Variants in UGT2B11 observed in about 807,000 individuals in gnomAD.
UGT2B11 encodes the protein UDP glucuronosyltransferase family 2 member B11.
A neutral mutation model predicts 51.7 loss-of-function variants in UGT2B11; 49 were observed. That is an observed-to-expected ratio of 0.95 (90% CI 0.75 to 1.20). The LOEUF is 1.20. UGT2B11 is among the 50% of genes most tolerant of loss of function. UGT2B11 has a pLI of 0.00. For synonymous variants in UGT2B11, 273 were observed against 209.0 expected (o/e 1.31, Z -2.64); for missense variants, 810 against 622.1 (o/e 1.30, Z -3.21).
In UGT2B11 at chr4:69,200,605, G is replaced by A. The variant is rs754432500; in HGVS notation, c.1425C>T (p.His475=). The change falls in exon 6 of 6, where the codon CAC becomes CAT. Residue 475 remains histidine (H), a synonymous_variant. Coordinates refer to ENST00000446444, the MANE Select transcript of UGT2B11 (RefSeq NM_001073.3). ...TGAGGTCATGGGCTGCAACTCGAAG[G>A]TGTTTGGCTCCTTTGTGGGGCATGA... ...EFVMPHKGAK[H]LRVAAHDLTW... is the part of the protein sequence containing the mutation. 2.5e-6 allele frequency: 4 copies of A among 1,612,452 alleles called. No homozygotes were observed. The Admixed American group carries it at 5.0e-5, about 20-fold the overall frequency.
chr4:69,202,220 A>C (rs76905380), intron 5 of UGT2B11, among the ~76,000 whole-genome samples: 7,226 of 151,824 alleles, frequency 0.048, 209 homozygotes, highest in South Asian at 0.12. Flanking sequence ...GACACTGTTG[A>C]TAATTCTGTC....
At chr4:69,210,378 A>T (rs933774857) in intron 2 of UGT2B11, among the ~76,000 whole-genome samples, 10 of 151,698 alleles carry the variant, frequency 6.6e-5, no homozygotes, top group African/African-American at 2.4e-4. Flanking sequence ...CAGTTTGTCA[A>T]GTGTCTTATT....
At position 69,214,089 on chromosome 4, in the gene UGT2B11, T is replaced by C; in HGVS notation, c.634A>G (p.Lys212Glu). ...SDQMTFMERV[K>E]NMIYVLYFDF... ...AAATAAAGCACATAGATCATATTTT[T>C]TACCCTCTCCATGAAAGTCATTTGA... Residue 212 changes from lysine (K) to glutamate (E), a missense_variant, in exon 1 of 6, where the codon AAA becomes GAA. Transcript: ENST00000446444. The C allele has an allele frequency of 6.2e-7, 1 of 1,611,514 alleles. No individual in the cohort carries two copies. Among genetic ancestry groups the C allele is most frequent in the Non-Finnish European group, 8.5e-7 (1 of 1,178,752 alleles).
intron 3 of UGT2B11, among the ~76,000 whole-genome samples, chr4:69,207,992 A>G (rs1400515448): frequency 6.6e-6 from 1 of 151,636 alleles, no homozygotes; most frequent in African/African-American, 2.4e-5. Context: ...CACCATTTTC[A>G]CTTACCTGAA....
Position 69,200,305 on chromosome 4 carries a change from T to G in UGT2B11, c.*135A>C. The stretch of plus-strand genomic sequence containing the variant: ...ACAAATTTTTACTTGACAAGGTAGA[T>G]TTGAAAATTTTTTTTTTTTTTTTTT... On this transcript the variant is annotated 3_prime_UTR_variant, in exon 6 of 6. Coordinates refer to ENST00000446444, the MANE Select transcript of UGT2B11 (RefSeq NM_001073.3). 2 of 1,235,048 alleles carry G rather than the reference T, an allele frequency of 1.6e-6. No homozygotes were observed. The highest frequency in any genetic ancestry group is 1.7e-5 in the African/African-American group (1 of 59,362). 76.5% of individuals were successfully genotyped at this position (1,235,048 alleles called of 1,614,324 possible).
At chr4:69,217,114 C>T (rs1400994651), upstream of UGT2B11, among the ~76,000 whole-genome samples, 4 of 152,046 alleles carry the variant, frequency 2.6e-5, no homozygotes, top group African/African-American at 9.7e-5. Flanking sequence ...GTCTAAATTA[C>T]AATATTTTAT....
chr4:69,213,879 T>G (rs1722163392), intron 1 of UGT2B11, 123 bp downstream of exon 1: 1 of 1,334,686 alleles, frequency 7.5e-7, no homozygotes. Context: ...TCATCTTGTA[T>G]TTTCATTTCA....
intron 3 of UGT2B11, among the ~76,000 whole-genome samples, chr4:69,206,805 G>A (rs776515568): frequency 5.9e-5 from 9 of 151,590 alleles, no homozygotes; most frequent in Non-Finnish European, 8.9e-5. Flanking sequence ...TAATTGTAAT[G>A]TATTCGTTTA....
chr4:69,212,959 G>T (rs1418230858), intron 1 of UGT2B11, among the ~76,000 whole-genome samples: 1 of 151,246 alleles, frequency 6.6e-6, no homozygotes, highest in Non-Finnish European at 1.5e-5. Flanking sequence ...CTAATGTCAA[G>T]TCAGTATACT....
At chr4:69,206,682 G>C (rs1721870755) in intron 3 of UGT2B11, among the ~76,000 whole-genome samples, 1 of 151,390 alleles carries the variant, frequency 6.6e-6, no homozygotes, top group Admixed American at 6.6e-5. Context: ...TACAAAAAAA[G>C]TGTAAAAAAT....
Position 69,214,658 on chromosome 4 carries a change from C to A in UGT2B11, c.65G>T (p.Ser22Ile). The change falls in exon 1 of 6, where the codon AGT becomes ATT. Residue 22 changes from serine to isoleucine, a missense_variant. Ser to Ile is a moderately radical substitution (Grantham distance 142). Transcript: ENST00000446444. ...GGCCCACACCAGCACTTTTCCACAA[C>A]TCCCAGAGCTAAAGTAACAACTGAG... is the stretch of plus-strand genomic sequence containing the variant. ...IHLSCYFSSG[S>I]CGKVLVWAAE... 6.2e-7 allele frequency: 1 copy of A among 1,613,068 alleles called. No individual in the cohort carries two copies. Among genetic ancestry groups the A allele is most frequent in the East Asian group, 2.2e-5 (1 of 44,828 alleles).
chr4:69,215,855 G>A (rs528384046), upstream of UGT2B11: 6 of 151,744 alleles, frequency 4.0e-5, no homozygotes, highest in Admixed American at 1.3e-4. Context: ...AAAAAAGGAA[G>A]GTTTCCTTCC....
intron 5 of UGT2B11, among the ~76,000 whole-genome samples, chr4:69,203,237 T>A (rs1041499883): frequency 6.6e-6 from 1 of 151,836 alleles, no homozygotes; most frequent in African/African-American, 2.4e-5. Context: ...GATATATGAA[T>A]GGTCAACAAT....
intron 1 of UGT2B11, 27 bp downstream of exon 1, chr4:69,213,975 C>T (rs780074907): frequency 2.6e-6 from 4 of 1,532,250 alleles, no homozygotes; most frequent in Non-Finnish European, 3.5e-6. Flanking sequence ...GTTAGATCTT[C>T]ACGTTACCGA....
At chr4:69,210,871 G>A (rs1455464966) in intron 2 of UGT2B11, among the ~76,000 whole-genome samples, 1 of 151,608 alleles carries the variant, frequency 6.6e-6, no homozygotes, top group Admixed American at 6.6e-5. Flanking sequence ...TGCTTACTTT[G>A]TACATATGTC....
At position 69,214,275 on chromosome 4, in the gene UGT2B11, C is replaced by T; in HGVS notation, c.448G>A (p.Ala150Thr). 1 of 1,613,208 alleles carries T rather than the reference C, an allele frequency of 6.2e-7. No individual in the cohort carries two copies. Among genetic ancestry groups the T allele is most frequent in the Non-Finnish European group, 8.5e-7 (1 of 1,179,468 alleles). ...TCACCACAGGGAAAAACAGCATCTG[C>T]AAAAACGATGTCAAATCTTGACTCT... ...LQESRFDIVFADAVFPCGELL... is the reference protein window; with the variant it reads ...LQESRFDIVFTDAVFPCGELL... The change falls in exon 1 of 6, where the codon GCA becomes ACA. Residue 150 changes from alanine (A) to threonine (T), a missense_variant. By Grantham distance (58) the Ala-to-Thr change is moderately conservative. Coordinates refer to ENST00000446444, the MANE Select transcript of UGT2B11 (RefSeq NM_001073.3).
rs553344836 is a variant in UGT2B11 at position 69,204,242 on chromosome 4, T to A, written c.1310+188A>T. The A allele has an allele frequency of 1.2e-5, 10 of 860,424 alleles. 1 individual carries two copies. The South Asian group carries it at 2.6e-4, about 22-fold the overall frequency. The allele number at this position is 860,424 out of a possible 1,614,324, so 53.3% of individuals were successfully genotyped here. ...AATTGCTTCACTAACTGGTTACTCATTAGATGTATGGGATTCAAACACAAT... is the reference window on the plus strand; with the variant it reads ...AATTGCTTCACTAACTGGTTACTCAATAGATGTATGGGATTCAAACACAAT... On this transcript the variant is annotated intron_variant, in intron 5 of 5. Transcript: ENST00000446444.
intron 1 of UGT2B11, 37 bp from the exon 2 acceptor site, chr4:69,212,758 A>C (rs200060464): frequency 4.4e-6 from 7 of 1,585,234 alleles, no homozygotes; most frequent in Non-Finnish European, 5.1e-6. Context: ...TGGATGATGT[A>C]AGATAATTAC....
chr4:69,211,068 A>T (rs1235167199), intron 2 of UGT2B11: 1 of 151,518 alleles, frequency 6.6e-6, no homozygotes, highest in East Asian at 1.9e-4. Context: ...TCTGTCAGGC[A>T]CCTATGATGT....
Sources: gnomAD v4.1 joint callset for allele counts (sites outside exome capture counted in the v4.1 genomes callset) on GRCh38, gnomAD v4.1.1 for gene constraint, MANE v1.5 for transcripts, NCBI Gene and HGNC (gene_info 2026-07-23, HGNC 2026-07-21) for gene names.